The following PRR16 variants were observed in gnomAD, a reference collection of about 807,000 sequenced individuals.
PRR16 encodes proline rich 16, also known as protein Largen.
In PRR16, 6 loss-of-function variants were observed where a neutral mutation model predicts 18.2. The ratio of observed to expected loss-of-function variants is 0.33; its 90% CI spans 0.18 to 0.65. The LOEUF is 0.65. Ranked by LOEUF, PRR16 falls within the 30% of genes least tolerant of loss-of-function variation. The pLI is 0.74. For synonymous variants in PRR16, 151 were observed against 147.8 expected, an observed-to-expected ratio of 1.02 and a Z score of -0.16; for missense variants, 412 against 376.6, an observed-to-expected ratio of 1.09 and a Z score of -0.78.
chr5:120,535,076 C>CGTGTGTGTGTGTGT (rs34220996), intron 1 of PRR16, among the ~76,000 whole-genome samples: 1 of 146,336 alleles, frequency 6.8e-6, no homozygotes, highest in African/African-American at 2.5e-5. Context: ...TCACTTTACA[C>CGTGTGTGTGTGTGT]GTGTGTGTGT....
chr5:120,632,527 T>TA (rs893595910), intron 1 of PRR16, among the ~76,000 whole-genome samples: 18 of 150,256 alleles, frequency 1.2e-4, no homozygotes, highest in East Asian at 3.9e-4. Flanking sequence ...AAGCATAAAT[T>TA]AAAAAAAAAT....
At chr5:120,559,035 G>A (rs1752499116) in intron 1 of PRR16, among the ~76,000 whole-genome samples, 1 of 151,804 alleles carries the variant, frequency 6.6e-6, no homozygotes, top group South Asian at 2.1e-4. Flanking sequence ...TTATGTTCTG[G>A]TTGTCAATTA....
At chr5:120,658,683 T>C (rs1283539318) in intron 1 of PRR16, among the ~76,000 whole-genome samples, 2 of 151,884 alleles carry the variant, frequency 1.3e-5, no homozygotes, top group African/African-American at 4.8e-5. Context: ...GACATAAAGA[T>C]AAAATTTATA....
At chr5:120,761,679 G>T in the PRR16 span, among the ~76,000 whole-genome samples, 1 of 151,896 alleles carries the variant, frequency 6.6e-6, no homozygotes, top group Non-Finnish European at 1.5e-5. Flanking sequence ...ATCAAGACAG[G>T]GTATTAAAGA....
At chr5:120,766,437 A>G in the PRR16 span, among the ~76,000 whole-genome samples, 1 of 149,406 alleles carries the variant, frequency 6.7e-6, no homozygotes, top group Non-Finnish European at 1.5e-5. Context: ...TTACTTTTCT[A>G]TTATATCTTT....
intron 1 of PRR16, among the ~76,000 whole-genome samples, chr5:120,550,938 C>G (rs1752235075): frequency 6.6e-6 from 1 of 151,936 alleles, no homozygotes. Context: ...TGTATATATT[C>G]AAAGTATACA....
At chr5:120,779,882 G>A in the PRR16 span, among the ~76,000 whole-genome samples, 1 of 152,070 alleles carries the variant, frequency 6.6e-6, no homozygotes, top group African/African-American at 2.4e-5. Context: ...GTAGCCTTGG[G>A]TCCTTTTCAA....
intron 1 of PRR16, among the ~76,000 whole-genome samples, chr5:120,475,948 G>T (rs1749427270): frequency 6.6e-6 from 1 of 152,102 alleles, no homozygotes; most frequent in African/African-American, 2.4e-5. Context: ...AGTACATGAT[G>T]CAACAAGAGC....
chr5:120,552,478 A>G (rs975128027), intron 1 of PRR16, among the ~76,000 whole-genome samples: 8 of 151,926 alleles, frequency 5.3e-5, no homozygotes, highest in Non-Finnish European at 1.0e-4. Context: ...ACTATTTAGA[A>G]TTTATCCCAT....
At chr5:120,518,581 T>G (rs1748148268) in intron 1 of PRR16, among the ~76,000 whole-genome samples, 1 of 151,640 alleles carries the variant, frequency 6.6e-6, no homozygotes, top group South Asian at 2.1e-4. Context: ...TTTTTTTTAA[T>G]AGAGGCTGCT....
chr5:120,742,644 T>A, the PRR16 span, among the ~76,000 whole-genome samples: 4 of 152,198 alleles, frequency 2.6e-5, no homozygotes, highest in Non-Finnish European at 5.9e-5. Flanking sequence ...TTTAAAATAA[T>A]GCATCTAAAC....
chr5:120,524,057 T>C (rs1175736766), intron 1 of PRR16, among the ~76,000 whole-genome samples: 1 of 152,084 alleles, frequency 6.6e-6, no homozygotes, highest in Admixed American at 6.6e-5. Context: ...ATAACATTCA[T>C]TGTTAGAGTA....
chr5:120,557,710 A>G (rs1752459310), intron 1 of PRR16, among the ~76,000 whole-genome samples: 1 of 151,904 alleles, frequency 6.6e-6, no homozygotes, highest in African/African-American at 2.4e-5. Context: ...ATGGATTTTA[A>G]TATATCATTA....
chr5:120,654,303 A>G (rs1755892582), intron 1 of PRR16, among the ~76,000 whole-genome samples: 8 of 151,890 alleles, frequency 5.3e-5, no homozygotes. Flanking sequence ...AGCTCCTTTT[A>G]TTTTGAGTAT....
At chr5:120,464,739 ACTC>A in intron 1 of PRR16, 94 bp downstream of exon 1, 2 of 1,334,630 alleles carry the variant, frequency 1.5e-6, no homozygotes, top group South Asian at 3.4e-5. Flanking sequence ...AGATTTCCAA[ACTC>A]CTGGGAAACT....
At chr5:120,596,966 A>T (rs1753833804) in intron 1 of PRR16, among the ~76,000 whole-genome samples, 1 of 151,726 alleles carries the variant, frequency 6.6e-6, no homozygotes, top group Non-Finnish European at 1.5e-5. Flanking sequence ...ATTACATCCT[A>T]TACATATACA....
chr5:120,665,514 A>G (rs547720173), intron 1 of PRR16, among the ~76,000 whole-genome samples: 2 of 152,136 alleles, frequency 1.3e-5, no homozygotes, highest in African/African-American at 4.8e-5. Context: ...TTAGTGTTTT[A>G]GACATGAAGT....
intron 1 of PRR16, among the ~76,000 whole-genome samples, chr5:120,550,498 A>G (rs1490504673): frequency 6.6e-6 from 1 of 152,028 alleles, no homozygotes; most frequent in Non-Finnish European, 1.5e-5. Context: ...GAGGAAGAAC[A>G]TTTCCATTGC....
At chr5:120,588,389 G>A (rs1485026035) in intron 1 of PRR16, among the ~76,000 whole-genome samples, 1 of 152,062 alleles carries the variant, frequency 6.6e-6, no homozygotes, top group African/African-American at 2.4e-5. Flanking sequence ...CATTCACGTG[G>A]CAAATTTTAG....
Sources: allele counts gnomAD v4.1 joint callset (sites outside exome capture counted in the v4.1 genomes callset), GRCh38; gene constraint gnomAD v4.1.1; transcripts MANE v1.5; gene names NCBI Gene and HGNC (gene_info 2026-07-23, HGNC 2026-07-21).